Variants in FMN1 observed in about 807,000 individuals in gnomAD.
The protein encoded by FMN1 is formin 1.
FMN1 carries 110 observed loss-of-function variants against 132.4 expected under a neutral mutation model. The observed-to-expected ratio is 0.83, with a 90% CI of 0.71 to 0.97. FMN1 has a LOEUF of 0.97. Among genes scored for constraint, FMN1 ranks in the 50% least tolerant of loss-of-function variants. The probability of loss-of-function intolerance (pLI) is 0.00; values close to 1 mark genes in which losing one functional copy is unlikely to be tolerated. For synonymous variants in FMN1, 722 were observed against 651.7 expected, an observed-to-expected ratio of 1.11 and a Z score of -1.64; for missense variants, 1,792 against 1,705.3, an observed-to-expected ratio of 1.05 and a Z score of -0.90.
At chr15:32,813,367 A>G (rs1187502187) in intron 17 of FMN1, among the ~76,000 whole-genome samples, 3 of 152,214 alleles carry the variant, frequency 2.0e-5, no homozygotes, top group African/African-American at 7.2e-5. Flanking sequence ...ACACAAGTAT[A>G]ATTGGGATCT....
intron 4 of FMN1, among the ~76,000 whole-genome samples, chr15:33,128,074 GGGA>G (rs1238706202): frequency 1.3e-5 from 2 of 152,072 alleles, no homozygotes; most frequent in African/African-American, 4.8e-5. Flanking sequence ...CAAAAAAGAT[GGGA>G]GAAGAAAACC....
intron 10 of FMN1, among the ~76,000 whole-genome samples, chr15:32,921,060 C>T (rs1039264437): frequency 5.9e-5 from 9 of 152,050 alleles, no homozygotes; most frequent in African/African-American, 1.7e-4. Flanking sequence ...CTTATATTCT[C>T]GTGGTAGATG....
At chr15:32,970,105 T>TA (rs1378539791) in intron 7 of FMN1, among the ~76,000 whole-genome samples, 16 of 152,204 alleles carry the variant, frequency 1.1e-4, no homozygotes, top group Non-Finnish European at 2.4e-4. Context: ...GAAGATATTA[T>TA]AGTATGCCAT....
intron 7 of FMN1, among the ~76,000 whole-genome samples, chr15:32,982,707 C>T (rs2032775551): frequency 1.3e-5 from 2 of 152,096 alleles, no homozygotes; most frequent in African/African-American, 4.8e-5. Context: ...CTGACTCTCC[C>T]ACTACTAAGA....
Position 33,011,832 on chromosome 15 carries a change from T to C in FMN1, c.2162-3757A>G, listed in dbSNP as rs189086694. ...AAAGATGATATACAAATAATAACTA[T>C]GTTAAAAGGTGCTCCTTATTAGTAA... is the stretch of plus-strand genomic sequence containing the variant. On this transcript the variant is annotated intron_variant, in intron 6 of 20. Coordinates refer to ENST00000616417, the MANE Select transcript of FMN1 (RefSeq NM_001277313.2). 1.5e-3 allele frequency among the ~76,000 whole-genome samples: 225 copies of C among 152,236 alleles called. 1 individual carries two copies. The highest frequency in any genetic ancestry group is 5.2e-3 in the African/African-American group (216 of 41,532).
intron 2 of FMN1, among the ~76,000 whole-genome samples, chr15:33,192,628 A>G (rs1052107179): frequency 2.6e-5 from 4 of 152,318 alleles, no homozygotes; most frequent in Middle Eastern, 3.4e-3. Context: ...GGTGGCTTCA[A>G]TAGTGGCACC....
intron 9 of FMN1, among the ~76,000 whole-genome samples, chr15:32,928,384 T>C (rs999408486): frequency 3.3e-5 from 5 of 152,140 alleles, no homozygotes; most frequent in African/African-American, 2.4e-5. Context: ...AATTTCTGGC[T>C]TTTTCTTAGA....
At chr15:32,864,106 T>C (rs1182347834) in intron 16 of FMN1, among the ~76,000 whole-genome samples, 1 of 152,232 alleles carries the variant, frequency 6.6e-6, no homozygotes, top group Non-Finnish European at 1.5e-5. Flanking sequence ...GGCTATCTAC[T>C]GTACACACTT....
chr15:32,927,621 A>G (rs2060994583), intron 9 of FMN1, among the ~76,000 whole-genome samples: 1 of 152,114 alleles, frequency 6.6e-6, no homozygotes, highest in Non-Finnish European at 1.5e-5. Flanking sequence ...CACATACCTC[A>G]TTGCCAGTTA....
At chr15:33,114,130 G>A (rs138266204) in intron 4 of FMN1, among the ~76,000 whole-genome samples, 55 of 152,256 alleles carry the variant, frequency 3.6e-4, no homozygotes, top group Middle Eastern at 3.4e-3. Flanking sequence ...CTGTTCTGCC[G>A]TCAAGGTCCT....
chr15:33,098,083 C>A (rs184337979), intron 4 of FMN1, among the ~76,000 whole-genome samples: 17 of 152,236 alleles, frequency 1.1e-4, no homozygotes, highest in African/African-American at 4.1e-4. Context: ...AAATTAGGTA[C>A]TGATAACAGA....
Position 33,125,755 on chromosome 15 carries a change from T to C in FMN1, c.1867+27293A>G, listed in dbSNP as rs570052951. 3.9e-5 allele frequency among the ~76,000 whole-genome samples: 5 copies of C among 127,314 alleles called. No individual in the cohort carries two copies. In the South Asian group the frequency reaches 7.0e-4, roughly 18 times the overall value. The allele number at this position is 127,314 out of a possible 152,430, so 83.5% of individuals were successfully genotyped here. A position where few individuals can be genotyped will look rare whatever the true frequency, so the allele number is the denominator to read the frequency against. On this transcript the variant is annotated intron_variant, in intron 4 of 20. Coordinates refer to ENST00000616417, the MANE Select transcript of FMN1 (RefSeq NM_001277313.2). ...AGTCTGTTAAATGGCCAACTTTGTA[T>C]GGTGAAATTTTGGTAAAAACTCCCA... is the stretch of plus-strand genomic sequence containing the variant.
In FMN1 at chr15:33,065,406, C is replaced by A. The variant is rs73378521; in HGVS notation, c.2044-332G>T. 9.5e-3 allele frequency among the ~76,000 whole-genome samples: 1,445 copies of A among 152,298 alleles called. 18 individuals carry two copies. The highest frequency in any genetic ancestry group is 0.033 in the African/African-American group (1,387 of 41,554). On this transcript the variant is annotated intron_variant, in intron 5 of 20. Transcript: ENST00000616417. Reference sequence around the variant, plus strand: ...AAGGTACAGACATAAATGTACTACACTGATGTGCATTTATGGGAATGTTTA... The same window carrying A: ...AAGGTACAGACATAAATGTACTACAATGATGTGCATTTATGGGAATGTTTA...
intron 7 of FMN1, among the ~76,000 whole-genome samples, chr15:32,981,538 A>AT (rs199667111): frequency 0.038 from 5,041 of 134,062 alleles, 103 homozygotes; most frequent in Admixed American, 0.046. Context: ...AATAATAATA[A>AT]TAATAATTAT....
intron 4 of FMN1, among the ~76,000 whole-genome samples, chr15:33,136,249 T>C (rs958368265): frequency 1.3e-5 from 2 of 152,178 alleles, no homozygotes; most frequent in African/African-American, 4.8e-5. Context: ...AGCTCCATCC[T>C]CACTCAAAGA....
At chr15:33,121,013 A>G (rs1962501064) in intron 4 of FMN1, among the ~76,000 whole-genome samples, 1 of 152,150 alleles carries the variant, frequency 6.6e-6, no homozygotes, top group Non-Finnish European at 1.5e-5. Flanking sequence ...TCTTAATTAT[A>G]GGATAGTACT....
intron 9 of FMN1, among the ~76,000 whole-genome samples, chr15:32,951,656 AC>A (rs1325247840): frequency 6.6e-6 from 1 of 152,210 alleles, no homozygotes; most frequent in African/African-American, 2.4e-5. Context: ...TAGTGAAAGC[AC>A]CATTGATGTG....
rs1365557665 is a variant in FMN1, at chr15:33,154,813, G to A, written c.102C>T (p.Tyr34=). The A allele has an allele frequency of 1.6e-5, 24 of 1,536,046 alleles. No homozygotes were observed. The highest frequency in any genetic ancestry group is 2.0e-5 in the Non-Finnish European group (23 of 1,146,926). ...ATCTGTCTAGAGTTACAGTGCCCTT[G>A]TATGAAAATCCTCTGACTTCCCCCT... ...LPKGEVRGFS[Y]KGTVTLDRSN... The change falls in exon 4 of 21, where the codon TAC becomes TAT. Residue 34 remains tyrosine (Y), a synonymous_variant. Coordinates refer to ENST00000616417, the MANE Select transcript of FMN1 (RefSeq NM_001277313.2).
At chr15:32,794,152 T>C (rs1373954663) in intron 19 of FMN1, among the ~76,000 whole-genome samples, 1 of 129,410 alleles carries the variant, frequency 7.7e-6, no homozygotes, top group Non-Finnish European at 1.6e-5. Context: ...AAAAACCCTA[T>C]TGGTAGGTGG....
Sources: allele counts gnomAD v4.1 joint callset (sites outside exome capture counted in the v4.1 genomes callset), GRCh38; gene constraint gnomAD v4.1.1; transcripts MANE v1.5; gene names NCBI Gene and HGNC (gene_info 2026-07-23, HGNC 2026-07-21).